Variants in TRIM26 observed in about 807,000 individuals in gnomAD.
TRIM26 encodes the protein tripartite motif-containing protein 26.
Under a neutral mutation model 45.5 loss-of-function variants are expected in TRIM26, and 16 were observed. The ratio of observed to expected loss-of-function variants is 0.35; its 90% confidence interval spans 0.24 to 0.53. The LOEUF (loss-of-function observed/expected upper bound fraction) is 0.53, where lower values mean the gene tolerates loss of function less well. Ranked by LOEUF, TRIM26 falls within the 20% of genes least tolerant of loss-of-function variation. The pLI is 0.92. For missense variants in TRIM26, 442 were observed against 691.1 expected, an observed-to-expected ratio of 0.64 and a Z score of 4.04; for synonymous variants, 273 against 290.4, an observed-to-expected ratio of 0.94 and a Z score of 0.61.
chr6:30,199,667 T>C lies in TRIM26; in HGVS notation c.-161-403A>G, dbSNP rs528561316. 2.5e-4 allele frequency among the ~76,000 whole-genome samples: 38 copies of C among 150,020 alleles called. No individual in the cohort carries two copies. In the South Asian group the frequency reaches 3.6e-3, roughly 14 times the overall value. ...TTTTTTTTTTTTTGAGATGGAGTCT[T>C]ACTCTGTCGCCCAGGCTGGAGTGCA... On this transcript the variant is annotated intron_variant, in intron 3 of 9. Transcript: ENST00000454678.
chr6:30,199,915 C>T (rs1332679275), intron 3 of TRIM26, among the ~76,000 whole-genome samples: 1 of 152,042 alleles, frequency 6.6e-6, no homozygotes, highest in Non-Finnish European at 1.5e-5. Flanking sequence ...GGATTACAGG[C>T]GTGAGCCACT....
chr6:30,188,239 A>AAAAAAAAG (rs1428313366), intron 9 of TRIM26: 1 of 222,154 alleles, frequency 4.5e-6, no homozygotes, highest in Non-Finnish European at 8.5e-6. Context: ...AAAAAAAAAA[A>AAAAAAAAG]AAAGAAATTT....
At position 30,198,639 on chromosome 6, in the gene TRIM26, G is replaced by C. The variant is rs1414418112; in HGVS notation, c.438+27C>G. 6.2e-7 allele frequency: 1 copy of C among 1,603,468 alleles called. No individual in the cohort carries two copies. Among genetic ancestry groups the C allele is most frequent in the Non-Finnish European group, 8.5e-7 (1 of 1,175,936 alleles). Reference sequence around the variant, plus strand: ...TGGAGCATCCAGAGAAGGTGGCAAGGCACCCTCGGGGGTGAAGAGGGCTTA... The same window carrying C: ...TGGAGCATCCAGAGAAGGTGGCAAGCCACCCTCGGGGGTGAAGAGGGCTTA... On this transcript the variant is annotated intron_variant, in intron 4 of 9. Transcript: ENST00000454678. The surrounding 1 kb of genome is among the most constrained non-coding windows in gnomAD (Gnocchi z 6.3).
chr6:30,200,311 AAAAC>A lies in TRIM26; in HGVS notation c.-162+720_-162+723del, dbSNP rs970190543. ...CAAACAAAAAACCAGAAAACATTAA[AAAAC>A]AAACAAACAAACAGCACTGAGGTTC... is the stretch of plus-strand genomic sequence containing the variant. On this transcript the variant is annotated intron_variant, in intron 3 of 9. Transcript: ENST00000454678. Among the ~76,000 whole-genome samples, 11 of 152,290 alleles carry A rather than the reference AAAAC, an allele frequency of 7.2e-5. No individual in the cohort carries two copies. In the South Asian group the frequency reaches 1.7e-3, roughly 23 times the overall value.
chr6:30,196,645 C>G lies in TRIM26; in HGVS notation c.636G>C (p.Lys212Asn). The G allele has an allele frequency of 6.2e-7, 1 of 1,614,210 alleles. No individual in the cohort carries two copies. Among genetic ancestry groups the G allele is most frequent in the Non-Finnish European group, 8.5e-7 (1 of 1,180,044 alleles). ...TGCCCTCCGTGAGCTCCTGCTCCAG[C>G]TTCGCCAGCTGTTCCAGCAGGTGTT... ...REEHLLEQLAKLEQELTEGRE... is the reference protein window; with the variant it reads ...REEHLLEQLANLEQELTEGRE... Residue 212 changes from lysine to asparagine, a missense_variant, in exon 6 of 10, where the codon AAG becomes AAC. Physicochemically the swap from Lys to Asn is moderately conservative, Grantham distance 94. Coordinates refer to ENST00000454678, the MANE Select transcript of TRIM26 (RefSeq NM_003449.5). The surrounding 1 kb of genome is among the most constrained non-coding windows in gnomAD (Gnocchi z 4.9).
Position 30,199,004 on chromosome 6 carries a change from C to A in TRIM26, c.100G>T (p.Val34Phe). Reference sequence around the variant, plus strand: ...TCTGTGGTGCAGCTGCGGCAGAAGACGTGGCCACAGTCAATGGTCACAGGG... The same window carrying A: ...TCTGTGGTGCAGCTGCGGCAGAAGAAGTGGCCACAGTCAATGGTCACAGGG... ...RDPVTIDCGH[V>F]FCRSCTTDVR... is the part of the protein sequence containing the mutation. Residue 34 changes from valine (V) to phenylalanine (F), a missense_variant, in exon 4 of 10, where the codon GTC becomes TTC. Transcript: ENST00000454678. 1 of 1,611,850 alleles carries A rather than the reference C, an allele frequency of 6.2e-7. No individual in the cohort carries two copies. The highest frequency in any genetic ancestry group is 8.5e-7 in the Non-Finnish European group (1 of 1,179,206).
Position 30,189,836 on chromosome 6 carries a change from G to T in TRIM26, c.788+177C>A. On this transcript the variant is annotated intron_variant, in intron 7 of 9. Coordinates refer to ENST00000454678, the MANE Select transcript of TRIM26 (RefSeq NM_003449.5). This position sits in a 1 kb window ranked among gnomAD's most constrained non-coding sequence, Gnocchi z 5.0. ...TACACAGAGAACCATAAGGAGGAGA[G>T]CAAGTCTCCAGTTCTCAATGATGTG... The T allele has an allele frequency of 1.4e-6, 1 of 736,356 alleles. No individual in the cohort carries two copies. The highest frequency in any genetic ancestry group is 2.2e-6 in the Non-Finnish European group (1 of 444,484). 45.6% of individuals were successfully genotyped at this position (736,356 alleles called of 1,614,324 possible). A position where few individuals can be genotyped will look rare whatever the true frequency, so the allele number is the denominator to read the frequency against.
At chr6:30,205,420 C>T (rs1357541218) in intron 1 of TRIM26, among the ~76,000 whole-genome samples, 1 of 152,166 alleles carries the variant, frequency 6.6e-6, no homozygotes, top group Non-Finnish European at 1.5e-5. Flanking sequence ...CCCTATAAGT[C>T]TCTGGATCTC....
intron 1 of TRIM26, among the ~76,000 whole-genome samples, chr6:30,206,358 C>A (rs1171539381): frequency 6.6e-6 from 1 of 152,232 alleles, no homozygotes; most frequent in East Asian, 1.9e-4. Context: ...CGGAGCCGAG[C>A]ATCAGTGGTG....
chr6:30,212,906 T>G (rs1272881021), intron 1 of TRIM26, among the ~76,000 whole-genome samples: 1 of 119,760 alleles, frequency 8.4e-6, no homozygotes, highest in South Asian at 2.9e-4. Context: ...TAAACCGGTT[T>G]ACTCCGAACA....
At chr6:30,201,847 CAA>C (rs575811302) in intron 2 of TRIM26, among the ~76,000 whole-genome samples, 4 of 129,482 alleles carry the variant, frequency 3.1e-5, no homozygotes, top group Admixed American at 1.5e-4. Context: ...GACTCCATCT[CAA>C]AAAAAAAAAA....
rs1485005312 is a variant in TRIM26, at chr6:30,185,235, C to G, written c.*641G>C. The G allele has an allele frequency of 2.6e-5, 4 of 152,318 alleles. No homozygotes were observed. The highest frequency in any genetic ancestry group is 5.9e-5 in the Non-Finnish European group (4 of 68,138). The allele number at this position is 152,318 out of a possible 1,614,324, so 9.4% of individuals were successfully genotyped here. A position where few individuals can be genotyped will look rare whatever the true frequency, so the allele number is the denominator to read the frequency against. On this transcript the variant is annotated 3_prime_UTR_variant, in exon 10 of 10. Coordinates refer to ENST00000454678, the MANE Select transcript of TRIM26 (RefSeq NM_003449.5). The surrounding 1 kb of genome is among the most constrained non-coding windows in gnomAD (Gnocchi z 5.7). ...CAGATAGCTCCAGGGAGTCCCACCT[C>G]CTTGGCTATGGAAATATGCTCAGCC...
At chr6:30,188,827 C>T (rs974658383) in intron 9 of TRIM26, among the ~76,000 whole-genome samples, 8 of 152,094 alleles carry the variant, frequency 5.3e-5, no homozygotes, top group South Asian at 2.1e-4. Flanking sequence ...TCTTAGGTTG[C>T]CCCTGCTGTT....
At chr6:30,210,578 A>C (rs936540666) in intron 1 of TRIM26, among the ~76,000 whole-genome samples, 2 of 152,202 alleles carry the variant, frequency 1.3e-5, no homozygotes, top group Non-Finnish European at 2.9e-5. Context: ...CTAAAGATAC[A>C]TTCATACAGG....
At position 30,190,473 on chromosome 6, in the gene TRIM26, G is replaced by A. The variant is rs759457398; in HGVS notation, c.766-438C>T. ...AGTAGGGGCATGATATGTGTGATCC[G>A]CTCTACATGTGGCTGAGACTGCTGT... is the stretch of plus-strand genomic sequence containing the variant. On this transcript the variant is annotated intron_variant, in intron 6 of 9. Coordinates refer to ENST00000454678, the MANE Select transcript of TRIM26 (RefSeq NM_003449.5). The surrounding 1 kb of genome is among the most constrained non-coding windows in gnomAD (Gnocchi z 4.3). The A allele has an allele frequency of 4.8e-5, 9 of 189,468 alleles. No individual in the cohort carries two copies. Among genetic ancestry groups the A allele is most frequent in the South Asian group, 1.1e-4 (1 of 8,856 alleles). The allele number at this position is 189,468 out of a possible 1,614,324, so 11.7% of individuals were successfully genotyped here.
chr6:30,211,100 T>C (rs958147053), intron 1 of TRIM26, among the ~76,000 whole-genome samples: 1 of 152,182 alleles, frequency 6.6e-6, no homozygotes, highest in Non-Finnish European at 1.5e-5. Context: ...GTGAAATGAA[T>C]GACCTCCTCT....
intron 3 of TRIM26, among the ~76,000 whole-genome samples, chr6:30,200,300 G>A (rs1458621486): frequency 6.6e-6 from 1 of 152,018 alleles, no homozygotes; most frequent in Non-Finnish European, 1.5e-5. Context: ...CAAAAAACCA[G>A]AAAACATTAA....
At chr6:30,193,109 T>C (rs570028676) in intron 6 of TRIM26, among the ~76,000 whole-genome samples, 2 of 105,218 alleles carry the variant, frequency 1.9e-5, no homozygotes, top group Non-Finnish European at 1.9e-5. Context: ...TCTATATACA[T>C]ATATATGTGT....
chr6:30,188,001 C>T (rs1471355826), intron 9 of TRIM26, among the ~76,000 whole-genome samples: 3 of 145,148 alleles, frequency 2.1e-5, no homozygotes, highest in Admixed American at 6.9e-5. Flanking sequence ...GGGTGGATCA[C>T]GAGGTCAGGA....
Sources: allele counts gnomAD v4.1 joint callset (sites outside exome capture counted in the v4.1 genomes callset), GRCh38; gene constraint gnomAD v4.1.1; non-coding constraint Gnocchi (gnomAD v3.1); transcripts MANE v1.5; gene names NCBI Gene and HGNC (gene_info 2026-07-23, HGNC 2026-07-21).